Variants in HSD17B12 observed in about 807,000 individuals in gnomAD.
HSD17B12 encodes hydroxysteroid 17-beta dehydrogenase 12, also known as very-long-chain 3-oxoacyl-CoA reductase.
A neutral mutation model predicts 39.3 loss-of-function variants in HSD17B12; 32 were observed. The observed-to-expected ratio is 0.81, with a 90% CI of 0.61 to 1.09. The LOEUF is 1.09. Among genes scored for constraint, HSD17B12 ranks in the 50% least tolerant of loss-of-function variants. The probability of loss-of-function intolerance (pLI) is 0.00; values close to 1 mark genes in which losing one functional copy is unlikely to be tolerated. For synonymous variants in HSD17B12, 150 were observed against 146.7 expected (o/e 1.02, Z -0.16); for missense variants, 342 against 382.9 (o/e 0.89, Z 0.89).
the HSD17B12 span, chr11:43,644,339 C>T: frequency 6.6e-6 from 1 of 152,334 alleles, no homozygotes; most frequent in African/African-American, 2.4e-5. Flanking sequence ...ACCAACAGCC[C>T]CCCAGGTTGC....
the HSD17B12 span, among the ~76,000 whole-genome samples, chr11:43,642,516 A>G: frequency 6.6e-6 from 1 of 151,818 alleles, no homozygotes; most frequent in Non-Finnish European, 1.5e-5. Context: ...AGTTGTAAGC[A>G]TGTAATAAAT....
At chr11:43,604,956 G>T in the HSD17B12 span, among the ~76,000 whole-genome samples, 2 of 152,180 alleles carry the variant, frequency 1.3e-5, no homozygotes, top group Non-Finnish European at 2.9e-5. Context: ...GTGGTAACAG[G>T]CTTCCTAGAG....
rs1253019421 is a variant in HSD17B12 at position 43,856,615 on chromosome 11, A to C, written c.*1367A>C. The C allele has an allele frequency of 6.6e-6, 1 of 152,176 alleles. No homozygotes were observed. The highest frequency in any genetic ancestry group is 2.4e-5 in the African/African-American group (1 of 41,432). 9.4% of individuals were successfully genotyped at this position (152,176 alleles called of 1,614,324 possible). A position where few individuals can be genotyped will look rare whatever the true frequency, so the allele number is the denominator to read the frequency against. On this transcript the variant is annotated 3_prime_UTR_variant, in exon 11 of 11. Coordinates refer to ENST00000278353, the MANE Select transcript of HSD17B12 (RefSeq NM_016142.3). The stretch of plus-strand genomic sequence containing the variant: ...GAATAAATATATAGCTTTATGAAAA[A>C]CACATTGTTTGCCCTTTTTTCCTCT...
intron 3 of HSD17B12, among the ~76,000 whole-genome samples, chr11:43,756,154 G>A (rs955869119): frequency 3.3e-5 from 5 of 152,008 alleles, no homozygotes; most frequent in African/African-American, 9.6e-5. Context: ...AGATTTGGAT[G>A]GGGACACAGC....
Position 43,847,376 on chromosome 11 carries a change from A to C in HSD17B12, c.684+7312A>C, listed in dbSNP as rs1447822654. Among the ~76,000 whole-genome samples the C allele has an allele frequency of 4.6e-5, 7 of 152,214 alleles. No homozygotes were observed. The East Asian group carries it at 1.3e-3, about 29-fold the overall frequency. Reference sequence around the variant, plus strand: ...ATTCTTAGCAGGAGATTACAAAAGAATACTCCATTTACATTTGAACTTATT... The same window carrying C: ...ATTCTTAGCAGGAGATTACAAAAGACTACTCCATTTACATTTGAACTTATT... On this transcript the variant is annotated intron_variant, in intron 9 of 10. Transcript: ENST00000278353.
the HSD17B12 span, among the ~76,000 whole-genome samples, chr11:43,618,907 G>T: frequency 6.6e-6 from 1 of 151,816 alleles, no homozygotes; most frequent in Non-Finnish European, 1.5e-5. Flanking sequence ...GTCTTTGAAT[G>T]TAACATATTC....
chr11:43,826,922 T>G (rs1951248577), intron 6 of HSD17B12, among the ~76,000 whole-genome samples: 3 of 152,262 alleles, frequency 2.0e-5, no homozygotes, highest in Non-Finnish European at 2.9e-5. Flanking sequence ...GTAATTATTT[T>G]CACTGTTACA....
the HSD17B12 span, among the ~76,000 whole-genome samples, chr11:43,627,690 C>T: frequency 6.6e-6 from 1 of 151,812 alleles, no homozygotes; most frequent in Non-Finnish European, 1.5e-5. Context: ...CTTTAAAAAG[C>T]TTTCATTTTG....
the HSD17B12 span, among the ~76,000 whole-genome samples, chr11:43,580,014 G>A: frequency 2.0e-5 from 3 of 151,894 alleles, no homozygotes; most frequent in Non-Finnish European, 2.9e-5. Context: ...TATACTGCTA[G>A]GGAGGGAGAT....
the HSD17B12 span, among the ~76,000 whole-genome samples, chr11:43,650,912 A>G: frequency 2.6e-5 from 4 of 152,214 alleles, no homozygotes; most frequent in African/African-American, 7.2e-5. Context: ...ACACTTGTCC[A>G]TTAGTTACTT....
chr11:43,619,724 G>A, the HSD17B12 span, among the ~76,000 whole-genome samples: 1 of 152,186 alleles, frequency 6.6e-6, no homozygotes. Flanking sequence ...AGAATAGCTG[G>A]ATCATGTATA....
chr11:43,626,375 A>G, the HSD17B12 span, among the ~76,000 whole-genome samples: 1 of 151,804 alleles, frequency 6.6e-6, no homozygotes, highest in Non-Finnish European at 1.5e-5. Context: ...TGGAATATAA[A>G]CCTTCTATTT....
chr11:43,845,138 C>T (rs1951463029), intron 9 of HSD17B12, among the ~76,000 whole-genome samples: 1 of 152,198 alleles, frequency 6.6e-6, no homozygotes, highest in African/African-American at 2.4e-5. Context: ...GGACCGCAGG[C>T]ACATGCCACC....
At chr11:43,561,379 T>A in the HSD17B12 span, among the ~76,000 whole-genome samples, 1 of 152,162 alleles carries the variant, frequency 6.6e-6, no homozygotes, top group Non-Finnish European at 1.5e-5. Flanking sequence ...GGGCTTGATG[T>A]TTAAAGGGTC....
chr11:43,790,215 G>A (rs1950854678), intron 3 of HSD17B12, among the ~76,000 whole-genome samples: 1 of 152,066 alleles, frequency 6.6e-6, no homozygotes, highest in Non-Finnish European at 1.5e-5. Flanking sequence ...ATACTTGGAC[G>A]CTAAAAGCAA....
chr11:43,848,151 G>A (rs1951496503), intron 9 of HSD17B12, among the ~76,000 whole-genome samples: 1 of 152,150 alleles, frequency 6.6e-6, no homozygotes, highest in Non-Finnish European at 1.5e-5. Context: ...TCTAAATAGG[G>A]AGAGTTATAA....
chr11:43,650,052 T>G, the HSD17B12 span, among the ~76,000 whole-genome samples: 1 of 152,160 alleles, frequency 6.6e-6, no homozygotes, highest in Admixed American at 6.5e-5. Flanking sequence ...AGTGGTACCC[T>G]TCCCAATTTC....
At chr11:43,580,131 C>G in the HSD17B12 span, among the ~76,000 whole-genome samples, 1 of 151,406 alleles carries the variant, frequency 6.6e-6, no homozygotes, top group Non-Finnish European at 1.5e-5. Flanking sequence ...AAGGGCAACC[C>G]CTCAAAGTTT....
the HSD17B12 span, among the ~76,000 whole-genome samples, chr11:43,571,144 CT>C: frequency 3.3e-5 from 5 of 152,328 alleles, no homozygotes; most frequent in East Asian, 9.7e-4. Context: ...AAAAGTTCTG[CT>C]AATTCAGACC....
Sources: allele counts gnomAD v4.1 joint callset (sites outside exome capture counted in the v4.1 genomes callset), GRCh38; gene constraint gnomAD v4.1.1; transcripts MANE v1.5; gene names NCBI Gene and HGNC (gene_info 2026-07-23, HGNC 2026-07-21).